The following PLXNA4 variants were observed in gnomAD, a reference collection of about 807,000 sequenced individuals.
PLXNA4 encodes the protein plexin-A4.
PLXNA4 carries 44 observed loss-of-function variants against 191.8 expected under a neutral mutation model. The ratio of observed to expected loss-of-function variants is 0.23; its 90% CI spans 0.18 to 0.29. PLXNA4 has a LOEUF of 0.29. PLXNA4 is among the 10% of genes least tolerant of loss of function. PLXNA4 has a pLI of 1.00. For missense variants in PLXNA4, 1,800 were observed against 2,488.8 expected (o/e 0.72, Z 5.89); for synonymous variants, 1,082 against 1,009.5 (o/e 1.07, Z -1.36).
chr7:132,385,703 C>T lies in PLXNA4; in HGVS notation c.1372-87481G>A, dbSNP rs1003191084. On this transcript the variant is annotated intron_variant, in intron 3 of 31. Coordinates refer to ENST00000321063, the MANE Select transcript of PLXNA4 (RefSeq NM_020911.2). ...CACTTTTTATCCAAAGGTGAGCATG[C>T]AAGTGCATGCGCGCACACACACGCG... 2.6e-5 allele frequency among the ~76,000 whole-genome samples: 4 copies of T among 152,222 alleles called. No individual in the cohort carries two copies. The South Asian group carries it at 8.3e-4, about 31-fold the overall frequency.
chr7:132,446,563 A>T (rs1430199173), intron 3 of PLXNA4, among the ~76,000 whole-genome samples: 1 of 152,190 alleles, frequency 6.6e-6, no homozygotes, highest in Non-Finnish European at 1.5e-5. Context: ...TTAGCCTTTG[A>T]ACTGCCTCCT....
chr7:132,262,095 C>T (rs1411325741), intron 4 of PLXNA4, among the ~76,000 whole-genome samples: 1 of 152,210 alleles, frequency 6.6e-6, no homozygotes, highest in African/African-American at 2.4e-5. Context: ...CTTCCTTTCC[C>T]CGGGTTGCCC....
chr7:132,572,057 G>A (rs1802004540), intron 1 of PLXNA4, among the ~76,000 whole-genome samples: 1 of 152,182 alleles, frequency 6.6e-6, no homozygotes, highest in African/African-American at 2.4e-5. Flanking sequence ...CTAGGGACCA[G>A]ATATTCTAAA....
At chr7:132,306,221 G>T (rs1365104186) in intron 3 of PLXNA4, among the ~76,000 whole-genome samples, 1 of 152,192 alleles carries the variant, frequency 6.6e-6, no homozygotes, top group Non-Finnish European at 1.5e-5. Context: ...AGAATTGGAA[G>T]GAGATCCCTT....
At chr7:132,579,290 G>A (rs974913887), upstream of PLXNA4, among the ~76,000 whole-genome samples, 8 of 152,250 alleles carry the variant, frequency 5.3e-5, no homozygotes, top group African/African-American at 1.9e-4. Flanking sequence ...TGGCCACTCA[G>A]CTTTCAGGGT....
chr7:132,572,012 A>C (rs1178693115), intron 1 of PLXNA4, among the ~76,000 whole-genome samples: 3 of 152,198 alleles, frequency 2.0e-5, no homozygotes, highest in African/African-American at 7.2e-5. Context: ...GTGAATAAAT[A>C]CATTTGCCTG....
In PLXNA4 at chr7:132,181,447, C is replaced by T. The variant is rs17166227; in HGVS notation, c.3426G>A (p.Pro1142=). 0.049 allele frequency: 79,553 copies of T among 1,614,008 alleles called. 2,619 individuals carry two copies. Among genetic ancestry groups the T allele is most frequent in the African/African-American group, 0.17 (12,528 of 74,926 alleles). Residue 1142 remains proline, a synonymous_variant, in exon 18 of 32, where the codon CCG becomes CCA. Transcript: ENST00000321063. ...CTGAGGGACCAAAGGCCTCAAACAC[C>T]GGGTTGGGATAGTAGGTGAAGTTGG... ...NKTNFTYYPN[P]VFEAFGPSGI...
At chr7:132,538,960 T>C (rs1185917168) in intron 1 of PLXNA4, among the ~76,000 whole-genome samples, 2 of 152,208 alleles carry the variant, frequency 1.3e-5, no homozygotes, top group African/African-American at 4.8e-5. Flanking sequence ...GTAGAAATAA[T>C]TAAAGCTCCT....
chr7:132,427,784 T>C (rs1023158759), intron 3 of PLXNA4, among the ~76,000 whole-genome samples: 1 of 152,242 alleles, frequency 6.6e-6, no homozygotes, highest in Admixed American at 6.5e-5. Context: ...CATCATGCAC[T>C]ACGTGCTTCA....
intron 3 of PLXNA4, among the ~76,000 whole-genome samples, chr7:132,418,199 CT>C (rs1233699273): frequency 1.3e-5 from 2 of 152,150 alleles, no homozygotes; most frequent in Non-Finnish European, 2.9e-5. Context: ...GATTACACCC[CT>C]TTTCCAGGCT....
At chr7:132,493,807 A>G (rs1307825452) in intron 2 of PLXNA4, among the ~76,000 whole-genome samples, 2 of 151,916 alleles carry the variant, frequency 1.3e-5, no homozygotes, top group African/African-American at 4.8e-5. Flanking sequence ...CGTTGGACAG[A>G]TAGATAAATA....
chr7:132,402,368 C>A (rs1794022652), intron 3 of PLXNA4, among the ~76,000 whole-genome samples: 1 of 152,184 alleles, frequency 6.6e-6, no homozygotes, highest in African/African-American at 2.4e-5. Context: ...ACTCACCTAA[C>A]ATGAGGAAGC....
intron 2 of PLXNA4, among the ~76,000 whole-genome samples, chr7:132,614,136 C>T (rs564902326): frequency 6.6e-6 from 1 of 152,326 alleles, no homozygotes; most frequent in South Asian, 2.1e-4. Flanking sequence ...GAAGTAAAAA[C>T]GGGTAAAATT....
rs777449457 is a variant in PLXNA4 at position 132,560,889 on chromosome 7, C to T, written c.-87+15533G>A. ...CTTCTCAGATCAGCCCCTTTCTCTCCTTTGCCACCCCCTTTGATCAGCCCC... is the reference window on the plus strand; with the variant it reads ...CTTCTCAGATCAGCCCCTTTCTCTCTTTTGCCACCCCCTTTGATCAGCCCC... On this transcript the variant is annotated intron_variant, in intron 1 of 31. Transcript: ENST00000321063. Among the ~76,000 whole-genome samples, 92 of 152,256 alleles carry T rather than the reference C, an allele frequency of 6.0e-4. 1 individual carries two copies. Among genetic ancestry groups the T allele is most frequent in the East Asian group, 1.3e-3 (7 of 5,190 alleles).
chr7:132,279,739 T>C (rs1208035229), intron 4 of PLXNA4, among the ~76,000 whole-genome samples: 4 of 152,218 alleles, frequency 2.6e-5, no homozygotes, highest in African/African-American at 7.2e-5. Flanking sequence ...CTTCACCTGC[T>C]ACTCCACTGC....
intron 3 of PLXNA4, among the ~76,000 whole-genome samples, chr7:132,303,461 C>T (rs1009276818): frequency 2.0e-5 from 3 of 151,874 alleles, no homozygotes; most frequent in Admixed American, 6.6e-5. Flanking sequence ...CCCAGCTACT[C>T]GGGATGCTAA....
upstream of PLXNA4, among the ~76,000 whole-genome samples, chr7:132,579,237 C>T (rs879594078): frequency 6.6e-6 from 1 of 152,076 alleles, no homozygotes; most frequent in Non-Finnish European, 1.5e-5. Context: ...TAAGGAATAT[C>T]GTTCAATTAA....
chr7:132,455,770 C>T (rs1236195006), intron 3 of PLXNA4, among the ~76,000 whole-genome samples: 1 of 152,128 alleles, frequency 6.6e-6, no homozygotes, highest in African/African-American at 2.4e-5. Context: ...GAGTGGGGCC[C>T]AGATGGTCCT....
At chr7:132,180,020 C>G (rs535550780) in intron 19 of PLXNA4, 99 bp from the exon 20 acceptor site, 1 of 1,459,070 alleles carries the variant, frequency 6.9e-7, no homozygotes, top group East Asian at 2.5e-5. Flanking sequence ...GGCAGGATGA[C>G]GGAAAGGAGA....
Sources: allele counts gnomAD v4.1 joint callset (sites outside exome capture counted in the v4.1 genomes callset), GRCh38; gene constraint gnomAD v4.1.1; transcripts MANE v1.5; gene names NCBI Gene and HGNC (gene_info 2026-07-23, HGNC 2026-07-21).